Variants in ULK4 observed in about 807,000 individuals in gnomAD.
ULK4 encodes inactive serine/threonine-protein kinase ULK4.
In ULK4, 133 loss-of-function variants were observed where a neutral mutation model predicts 160.6. That is an observed-to-expected ratio of 0.83 (90% CI 0.72 to 0.96). The LOEUF (loss-of-function observed/expected upper bound fraction) is 0.96, where lower values mean the gene tolerates loss of function less well. Among genes scored for constraint, ULK4 ranks in the 40% least tolerant of loss-of-function variants. The probability of loss-of-function intolerance (pLI) is 0.00; values close to 1 mark genes in which losing one functional copy is unlikely to be tolerated. For synonymous variants in ULK4, 534 were observed against 539.8 expected (o/e 0.99, Z 0.15); for missense variants, 1,580 against 1,499.5 (o/e 1.05, Z -0.89).
intron 34 of ULK4, among the ~76,000 whole-genome samples, chr3:41,436,058 C>A (rs560092724): frequency 6.6e-6 from 1 of 152,140 alleles, no homozygotes; most frequent in Non-Finnish European, 1.5e-5. Flanking sequence ...GAAAGCGATA[C>A]GCATTCAGTA....
intron 18 of ULK4, among the ~76,000 whole-genome samples, chr3:41,821,098 C>T (rs2041131468): frequency 6.6e-6 from 1 of 152,216 alleles, no homozygotes; most frequent in Non-Finnish European, 1.5e-5. Flanking sequence ...ACCTACTTCA[C>T]TCCCAGCCAC....
At chr3:41,516,190 G>A (rs2085741559) in intron 32 of ULK4, among the ~76,000 whole-genome samples, 1 of 152,146 alleles carries the variant, frequency 6.6e-6, no homozygotes, top group Non-Finnish European at 1.5e-5. Flanking sequence ...TGATTCGTTA[G>A]TATAGACAAC....
At chr3:41,848,981 G>A (rs1164055296) in intron 17 of ULK4, among the ~76,000 whole-genome samples, 1 of 152,122 alleles carries the variant, frequency 6.6e-6, no homozygotes, top group East Asian at 1.9e-4. Context: ...AATGATGTAT[G>A]TATTCCTATG....
intron 17 of ULK4, among the ~76,000 whole-genome samples, chr3:41,849,565 T>G (rs1024458048): frequency 1.1e-4 from 16 of 152,140 alleles, no homozygotes; most frequent in African/African-American, 3.9e-4. Context: ...ACTATAATGG[T>G]AGATAGATGT....
intron 31 of ULK4, among the ~76,000 whole-genome samples, chr3:41,583,017 T>G (rs2030494450): frequency 1.3e-5 from 2 of 152,130 alleles, no homozygotes; most frequent in African/African-American, 4.8e-5. Flanking sequence ...TTTCAAGAGA[T>G]GGGGTGGGAG....
intron 35 of ULK4, among the ~76,000 whole-genome samples, chr3:41,305,680 C>G (rs2079897912): frequency 6.6e-6 from 1 of 150,512 alleles, no homozygotes; most frequent in Non-Finnish European, 1.5e-5. Context: ...CCTGGCCGCC[C>G]ATCGTCTGGG....
chr3:41,486,323 T>C (rs1242561175), intron 32 of ULK4, among the ~76,000 whole-genome samples: 1 of 152,174 alleles, frequency 6.6e-6, no homozygotes, highest in East Asian at 1.9e-4. Context: ...GGCTTCATTC[T>C]AGAAATTTGT....
intron 34 of ULK4, among the ~76,000 whole-genome samples, chr3:41,398,793 T>G (rs961319743): frequency 6.6e-6 from 1 of 151,108 alleles, no homozygotes; most frequent in African/African-American, 2.4e-5. Context: ...TTTTAAAAAG[T>G]TTTTTTTATT....
chr3:41,501,221 C>T (rs545026907), intron 32 of ULK4, among the ~76,000 whole-genome samples: 10 of 152,076 alleles, frequency 6.6e-5, no homozygotes, highest in South Asian at 2.1e-4. Flanking sequence ...TGGCTGGGCG[C>T]GGTGGCTCAT....
chr3:41,634,595 C>A (rs950431796), intron 30 of ULK4, among the ~76,000 whole-genome samples: 1 of 152,130 alleles, frequency 6.6e-6, no homozygotes, highest in Non-Finnish European at 1.5e-5. Flanking sequence ...TGCATGGTCC[C>A]TTTAGAGGAA....
At chr3:41,424,114 A>G (rs1182831518) in intron 34 of ULK4, among the ~76,000 whole-genome samples, 1 of 151,974 alleles carries the variant, frequency 6.6e-6, no homozygotes, top group African/African-American at 2.4e-5. Context: ...TGCTGGAGAT[A>G]CTAGATGGTT....
intron 32 of ULK4, among the ~76,000 whole-genome samples, chr3:41,519,424 G>A (rs1243370564): frequency 2.6e-5 from 4 of 152,210 alleles, no homozygotes; most frequent in East Asian, 1.9e-4. Flanking sequence ...ATGATAATCA[G>A]TCGCTAATTT....
At chr3:41,547,207 T>C (rs1462648504) in intron 32 of ULK4, among the ~76,000 whole-genome samples, 1 of 152,230 alleles carries the variant, frequency 6.6e-6, no homozygotes, top group Non-Finnish European at 1.5e-5. Flanking sequence ...CTCCCAACAT[T>C]TGCTGACCAT....
chr3:41,960,246 C>T (rs1700622530), intron 1 of ULK4, among the ~76,000 whole-genome samples: 1 of 152,088 alleles, frequency 6.6e-6, no homozygotes, highest in South Asian at 2.1e-4. Flanking sequence ...CAATTTCAGT[C>T]TGAAATTAAC....
intron 32 of ULK4, among the ~76,000 whole-genome samples, chr3:41,532,904 GTC>G (rs1161297977): frequency 6.6e-6 from 1 of 152,162 alleles, no homozygotes; most frequent in Non-Finnish European, 1.5e-5. Context: ...AAGAGCTAGA[GTC>G]TCTTTCTCCA....
chr3:41,500,823 T>C (rs956020006), intron 32 of ULK4, among the ~76,000 whole-genome samples: 1 of 152,188 alleles, frequency 6.6e-6, no homozygotes, highest in African/African-American at 2.4e-5. Flanking sequence ...TCTTACTATG[T>C]GTGATGGCAA....
At chr3:41,783,535 C>CAA (rs36018598) in intron 21 of ULK4, among the ~76,000 whole-genome samples, 23 of 134,178 alleles carry the variant, frequency 1.7e-4, no homozygotes, top group African/African-American at 2.9e-4. Context: ...GACTCTGTCT[C>CAA]AAAAAAAAAA....
At position 41,959,675 on chromosome 3, in the gene ULK4, A is replaced by G. The variant is rs555476948; in HGVS notation, c.-49+2341T>C. Among the ~76,000 whole-genome samples the G allele has an allele frequency of 8.9e-4, 135 of 152,188 alleles. 1 individual carries two copies. The highest frequency in any genetic ancestry group is 2.7e-3 in the African/African-American group (114 of 41,518). ...CAATCCTGGCCTAGCACAGTGCCTC[A>G]TGTCTGTAATCCCAACGCTTTCGGA... On this transcript the variant is annotated intron_variant, in intron 1 of 36. Transcript: ENST00000301831.
chr3:41,551,151 G>T (rs1253006272), intron 32 of ULK4, among the ~76,000 whole-genome samples: 1 of 151,052 alleles, frequency 6.6e-6, no homozygotes. Context: ...TAAGAGGGAA[G>T]TTTATAGCAA....
Sources: gnomAD v4.1 joint callset for allele counts (sites outside exome capture counted in the v4.1 genomes callset) on GRCh38, gnomAD v4.1.1 for gene constraint, MANE v1.5 for transcripts, NCBI Gene and HGNC (gene_info 2026-07-23, HGNC 2026-07-21) for gene names.